Variants in FGF13 observed in about 807,000 individuals in gnomAD.
The protein encoded by FGF13 is fibroblast growth factor homologous factor 2.
FGF13 carries 2 observed loss-of-function variants against 19.5 expected under a neutral mutation model. The observed-to-expected ratio is 0.10, with a 90% confidence interval of 0.04 to 0.32. FGF13 has a LOEUF of 0.32. Among genes scored for constraint, FGF13 ranks in the 10% least tolerant of loss-of-function variants. The pLI is 1.00. For missense variants in FGF13, 113 were observed against 192.7 expected (o/e 0.59, Z 2.45); for synonymous variants, 72 against 76.9 (o/e 0.94, Z 0.33).
At chrX:139,011,591 A>G (rs2092128874) in intron 1 of FGF13, among the ~76,000 whole-genome samples, 1 of 111,679 alleles carries the variant, frequency 9.0e-6, no homozygotes, top group African/African-American at 3.3e-5. Flanking sequence ...CAAAAATCAC[A>G]TGATTATTTC....
intron 1 of FGF13, among the ~76,000 whole-genome samples, chrX:138,903,610 A>C (rs774186047): frequency 1.1e-4 from 12 of 111,376 alleles, no homozygotes; most frequent in Non-Finnish European, 1.7e-4. Flanking sequence ...CCTCATTTCT[A>C]GCTCCACACC....
chrX:138,908,596 C>T (rs902681288), intron 1 of FGF13, among the ~76,000 whole-genome samples: 1 of 110,476 alleles, frequency 9.1e-6, no homozygotes, highest in African/African-American at 3.3e-5. Context: ...TTCTGTGCTG[C>T]TAATGAAGTT....
chrX:138,632,867 G>C lies in FGF13; in HGVS notation c.721C>G (p.His241Asp). 4.1e-6 allele frequency: 5 copies of C among 1,209,251 alleles called. No homozygotes were observed. Among genetic ancestry groups the C allele is most frequent in the Non-Finnish European group, 5.6e-6 (5 of 894,168 alleles). Residue 241 changes from histidine to aspartate, a missense_variant, in exon 5 of 5, where the codon CAC becomes GAC. Physicochemically the swap from His to Asp is moderately conservative, Grantham distance 81. Around this residue, in one of 4 missense-constraint regions of FGF13, gnomAD observed 43 missense variants for 41.4 expected, o/e 1.04. Coordinates refer to ENST00000315930, the MANE Select transcript of FGF13 (RefSeq NM_004114.5). ...CTCACTGGCTACGTTGATTCATTGT[G>C]GCTCATGGATTTGCCTCCGTTCAGC... Reference protein sequence around the residue: ...GVLNGGKSMSHNEST With the variant: ...GVLNGGKSMSDNEST
intron 1 of FGF13, among the ~76,000 whole-genome samples, chrX:138,881,631 C>A (rs185820950): frequency 9.1e-6 from 1 of 110,187 alleles, no homozygotes; most frequent in Non-Finnish European, 1.9e-5. Flanking sequence ...ATCATTCAGT[C>A]TTGGCAGATT....
intron 1 of FGF13, among the ~76,000 whole-genome samples, chrX:139,108,383 G>T (rs2083574696): frequency 9.0e-6 from 1 of 111,319 alleles, no homozygotes; most frequent in Admixed American, 9.5e-5. Context: ...ACATAGAAGA[G>T]TGCTGTGTCT....
chrX:138,901,182 ATAATCAG>A (rs2091530137), intron 1 of FGF13, among the ~76,000 whole-genome samples: 1 of 112,452 alleles, frequency 8.9e-6, no homozygotes, highest in African/African-American at 3.2e-5. Flanking sequence ...TTTCTGGCAC[ATAATCAG>A]TAAGTATGTG....
chrX:138,681,739 T>C (rs946102614), intron 3 of FGF13, among the ~76,000 whole-genome samples: 10 of 111,932 alleles, frequency 8.9e-5, no homozygotes, highest in African/African-American at 3.2e-4. Flanking sequence ...TAGAGGCCAC[T>C]GTATAGTCAC....
intron 1 of FGF13, among the ~76,000 whole-genome samples, chrX:139,111,491 AGAACC>A (rs1433311282): frequency 8.9e-6 from 1 of 112,197 alleles, no homozygotes; most frequent in East Asian, 2.8e-4. Context: ...GGATAAAGAT[AGAACC>A]GAGGCTGCCT....
At chrX:138,905,187 C>T (rs191150925) in intron 1 of FGF13, among the ~76,000 whole-genome samples, 44 of 111,336 alleles carry the variant, frequency 4.0e-4, no homozygotes, top group African/African-American at 1.3e-3. Flanking sequence ...ATGGAGTAGA[C>T]GGTCCTAGAG....
chrX:138,738,607 A>G (rs745392853), intron 1 of FGF13, among the ~76,000 whole-genome samples: 1 of 111,608 alleles, frequency 9.0e-6, no homozygotes, highest in Non-Finnish European at 1.9e-5. Context: ...TCCATCAGCT[A>G]TCTGCGGCAT....
chrX:138,977,216 C>T (rs1432373628), intron 1 of FGF13, among the ~76,000 whole-genome samples: 3 of 111,863 alleles, frequency 2.7e-5, no homozygotes, highest in African/African-American at 9.8e-5. Flanking sequence ...CTGGCCGGTA[C>T]TTCTTCACAT....
Position 138,711,005 on chromosome X carries a change from G to T in FGF13, c.-2C>A. On this transcript the variant is annotated 5_prime_UTR_variant, in exon 1 of 5. Coordinates refer to ENST00000315930, the MANE Select transcript of FGF13 (RefSeq NM_004114.5). ...CGAGCTGGCGATAGCCGCCGCCATG[G>T]CCACGACGCCCACCACCACCGCTTC... 8.3e-7 allele frequency: 1 copy of T among 1,208,789 alleles called. No individual in the cohort carries two copies. Among genetic ancestry groups the T allele is most frequent in the Non-Finnish European group, 1.1e-6 (1 of 894,383 alleles).
At position 138,629,855 on chromosome X, in the gene FGF13, C is replaced by G. The variant is rs1370085905; in HGVS notation, c.*2995G>C. 9.0e-6 allele frequency: 1 copy of G among 111,545 alleles called. No homozygotes were observed. The highest frequency in any genetic ancestry group is 1.9e-5 in the Non-Finnish European group (1 of 53,173). 9.2% of individuals were successfully genotyped at this position (111,545 alleles called of 1,213,427 possible). A position where few individuals can be genotyped will look rare whatever the true frequency, so the allele number is the denominator to read the frequency against. On this transcript the variant is annotated 3_prime_UTR_variant, in exon 5 of 5. Coordinates refer to ENST00000315930, the MANE Select transcript of FGF13 (RefSeq NM_004114.5). ...AGTCCAGTGATCTGAGTCTTACAAGCCTTCCAGGTGATTCTGATGTGAGCT... is the reference window on the plus strand; with the variant it reads ...AGTCCAGTGATCTGAGTCTTACAAGGCTTCCAGGTGATTCTGATGTGAGCT...
At chrX:138,851,429 A>G (rs1047896799) in intron 3 of FGF13, among the ~76,000 whole-genome samples, 2 of 111,815 alleles carry the variant, frequency 1.8e-5, no homozygotes, top group Non-Finnish European at 3.8e-5. Flanking sequence ...AATAATCACT[A>G]TTCTGACTGG....
At chrX:138,696,803 T>A (rs2089900526) in intron 3 of FGF13, among the ~76,000 whole-genome samples, 1 of 112,151 alleles carries the variant, frequency 8.9e-6, no homozygotes, top group Non-Finnish European at 1.9e-5. Context: ...ATGCTGCATC[T>A]TGGGCTGCCA....
chrX:138,986,110 G>A (rs1464582699), intron 1 of FGF13, among the ~76,000 whole-genome samples: 1 of 112,023 alleles, frequency 8.9e-6, no homozygotes, highest in Non-Finnish European at 1.9e-5. Context: ...GCATAGGGAA[G>A]TTAACAAAGC....
At chrX:139,087,822 G>C (rs2083414071) in intron 1 of FGF13, among the ~76,000 whole-genome samples, 1 of 111,959 alleles carries the variant, frequency 8.9e-6, no homozygotes. Flanking sequence ...TTGTTTATTT[G>C]CTGGACAAAA....
chrX:139,066,529 C>T (rs780009676), intron 1 of FGF13, among the ~76,000 whole-genome samples: 18 of 111,770 alleles, frequency 1.6e-4, no homozygotes, highest in Non-Finnish European at 3.2e-4. Context: ...CTATAAACAC[C>T]TCTACACGAA....
At chrX:138,741,465 C>T (rs1369746965), upstream of FGF13, among the ~76,000 whole-genome samples, 1 of 111,494 alleles carries the variant, frequency 9.0e-6, no homozygotes, top group Non-Finnish European at 1.9e-5. Context: ...CTTTCCTTTC[C>T]CCTAAACTAA....
Sources: allele counts gnomAD v4.1 joint callset (sites outside exome capture counted in the v4.1 genomes callset), GRCh38; gene constraint gnomAD v4.1.1; regional missense constraint gnomAD v4.1.1; transcripts MANE v1.5; gene names NCBI Gene and HGNC (gene_info 2026-07-23, HGNC 2026-07-21).